PTPRR: variants seen among roughly 807,000 people sequenced by gnomAD.
PTPRR encodes the protein protein tyrosine phosphatase receptor type R, also known as receptor-type tyrosine-protein phosphatase R.
Under a neutral mutation model 77.2 loss-of-function variants are expected in PTPRR, and 38 were observed. The ratio of observed to expected loss-of-function variants is 0.49; its 90% confidence interval spans 0.38 to 0.65. The LOEUF is 0.65. Ranked by LOEUF, PTPRR falls within the 30% of genes least tolerant of loss-of-function variation. PTPRR has a pLI of 0.00. For synonymous variants in PTPRR, 299 were observed against 283.1 expected (o/e 1.06, Z -0.57); for missense variants, 744 against 799.2 (o/e 0.93, Z 0.83).
At chr12:70,907,704 C>T (rs1212822552) in intron 1 of PTPRR, among the ~76,000 whole-genome samples, 1 of 152,062 alleles carries the variant, frequency 6.6e-6, no homozygotes, top group Non-Finnish European at 1.5e-5. Flanking sequence ...GCATTAAGAC[C>T]TTGGGCCTCA....
At chr12:70,760,256 CA>C (rs1315852698) in intron 4 of PTPRR, among the ~76,000 whole-genome samples, 1 of 152,186 alleles carries the variant, frequency 6.6e-6, no homozygotes, top group Non-Finnish European at 1.5e-5. Context: ...TGATACCATG[CA>C]AAGGCAGACA....
At chr12:70,751,399 C>T (rs1340388602) in intron 5 of PTPRR, among the ~76,000 whole-genome samples, 1 of 152,160 alleles carries the variant, frequency 6.6e-6, no homozygotes, top group Admixed American at 6.6e-5. Flanking sequence ...GATCCTCCTC[C>T]TTCCACAACT....
At chr12:70,824,742 G>T (rs1324552618) in intron 2 of PTPRR, among the ~76,000 whole-genome samples, 2 of 152,134 alleles carry the variant, frequency 1.3e-5, no homozygotes, top group Non-Finnish European at 2.9e-5. Flanking sequence ...GTCGGGATGG[G>T]GTTGGTGGGG....
chr12:70,866,422 G>GA (rs1446607208), intron 2 of PTPRR, among the ~76,000 whole-genome samples: 2 of 152,032 alleles, frequency 1.3e-5, no homozygotes, highest in African/African-American at 4.8e-5. Flanking sequence ...AAATAAACTA[G>GA]AAAATCTAGA....
intron 2 of PTPRR, among the ~76,000 whole-genome samples, chr12:70,850,218 T>G (rs1007285885): frequency 1.3e-5 from 2 of 151,912 alleles, no homozygotes; most frequent in Non-Finnish European, 2.9e-5. Context: ...AAAAATTAGC[T>G]GGGTGTGGTG....
At chr12:70,831,629 C>T (rs1892214690) in intron 2 of PTPRR, among the ~76,000 whole-genome samples, 1 of 152,164 alleles carries the variant, frequency 6.6e-6, no homozygotes, top group African/African-American at 2.4e-5. Flanking sequence ...ACAAGTGTTA[C>T]CATTTTCGTT....
intron 2 of PTPRR, among the ~76,000 whole-genome samples, chr12:70,811,826 C>A (rs1388156641): frequency 1.3e-5 from 2 of 152,170 alleles, no homozygotes; most frequent in African/African-American, 2.4e-5. Context: ...AAGCAGTGGA[C>A]ATAAGGCCCA....
At chr12:70,746,736 A>G (rs1890225630) in intron 5 of PTPRR, among the ~76,000 whole-genome samples, 1 of 151,938 alleles carries the variant, frequency 6.6e-6, no homozygotes, top group Non-Finnish European at 1.5e-5. Context: ...CTGTTGCCCA[A>G]GCGAAAGTGC....
At chr12:70,742,104 G>A (rs1158294453) in intron 6 of PTPRR, among the ~76,000 whole-genome samples, 1 of 152,178 alleles carries the variant, frequency 6.6e-6, no homozygotes, top group Non-Finnish European at 1.5e-5. Context: ...GAGAACCAAA[G>A]AGATAATGGA....
chr12:70,670,530 T>C lies in PTPRR; in HGVS notation c.1498-7925A>G, dbSNP rs140925678. On this transcript the variant is annotated intron_variant, in intron 10 of 13. Transcript: ENST00000283228. ...AATTTATGTGTGTTCAAATTGTGCT[T>C]AGCACATATGATCAATAAATGGTAG... 9.5e-4 allele frequency among the ~76,000 whole-genome samples: 144 copies of C among 152,362 alleles called. 1 individual carries two copies. The highest frequency in any genetic ancestry group is 3.1e-3 in the African/African-American group (130 of 41,584).
rs532878929 is a variant in PTPRR at position 70,824,656 on chromosome 12, G to A, written c.358-59878C>T. ...TACAGGGAGAAGCCACAGTGTGTCTGGTGGTGTCAGCTGCTGGTTCGTGTT... is the reference window on the plus strand; with the variant it reads ...TACAGGGAGAAGCCACAGTGTGTCTAGTGGTGTCAGCTGCTGGTTCGTGTT... On this transcript the variant is annotated intron_variant, in intron 2 of 13. Coordinates refer to ENST00000283228, the MANE Select transcript of PTPRR (RefSeq NM_002849.4). 2.6e-5 allele frequency among the ~76,000 whole-genome samples: 4 copies of A among 152,282 alleles called. No individual in the cohort carries two copies. The East Asian group carries it at 7.7e-4, about 29-fold the overall frequency.
In PTPRR at chr12:70,857,324, A is replaced by G. The variant is rs1892670500; in HGVS notation, c.357+35355T>C. Among the ~76,000 whole-genome samples, 4 of 152,268 alleles carry G rather than the reference A, an allele frequency of 2.6e-5. No individual in the cohort carries two copies. In the South Asian group the frequency reaches 8.3e-4, roughly 32 times the overall value. On this transcript the variant is annotated intron_variant, in intron 2 of 13. Coordinates refer to ENST00000283228, the MANE Select transcript of PTPRR (RefSeq NM_002849.4). ...GAAGGGAGGAGTCAACAGTGTCAAAATCTCCAGCTACACAAGAAGCGAACA... is the reference window on the plus strand; with the variant it reads ...GAAGGGAGGAGTCAACAGTGTCAAAGTCTCCAGCTACACAAGAAGCGAACA...
chr12:70,742,013 G>A (rs1890064092), intron 6 of PTPRR, among the ~76,000 whole-genome samples: 1 of 152,192 alleles, frequency 6.6e-6, no homozygotes, highest in African/African-American at 2.4e-5. Context: ...GAGAAAAGGA[G>A]AAAGCAACTG....
intron 2 of PTPRR, among the ~76,000 whole-genome samples, chr12:70,811,105 T>C (rs562628054): frequency 6.6e-6 from 1 of 151,638 alleles, no homozygotes; most frequent in South Asian, 2.1e-4. Flanking sequence ...AAACACAAGA[T>C]AAAAAAAAGA....
intron 6 of PTPRR, among the ~76,000 whole-genome samples, chr12:70,737,508 A>C (rs992372791): frequency 1.3e-5 from 2 of 151,476 alleles, no homozygotes; most frequent in Non-Finnish European, 2.9e-5. Flanking sequence ...CTATCTATCT[A>C]TCTATCTATC....
chr12:70,709,866 C>T (rs1888760299), intron 6 of PTPRR, among the ~76,000 whole-genome samples: 1 of 152,068 alleles, frequency 6.6e-6, no homozygotes, highest in Admixed American at 6.6e-5. Context: ...AAAAACATTC[C>T]ACGTTCATGT....
intron 2 of PTPRR, among the ~76,000 whole-genome samples, chr12:70,851,767 T>C (rs1892575331): frequency 6.6e-6 from 1 of 152,286 alleles, no homozygotes; most frequent in South Asian, 2.1e-4. Context: ...CAAGAAGCCA[T>C]TGATGTTTAG....
chr12:70,892,862 T>G lies in PTPRR; in HGVS notation c.174A>C (p.Pro58=), dbSNP rs1893362192. The G allele has an allele frequency of 1.9e-6, 3 of 1,613,482 alleles. No homozygotes were observed. The highest frequency in any genetic ancestry group is 1.7e-6 in the Non-Finnish European group (2 of 1,179,654). Residue 58 remains proline (P), a synonymous_variant, in exon 2 of 14, where the codon CCA becomes CCC. Coordinates refer to ENST00000283228, the MANE Select transcript of PTPRR (RefSeq NM_002849.4). ...QDIEKSLDIA[P]QKIYRHSYHS... ...GGTAGCTATGTCTGTAGATTTTTTGTGGGGCTATATCCAGGCTCTTCTCAA... is the reference window on the plus strand; with the variant it reads ...GGTAGCTATGTCTGTAGATTTTTTGGGGGGCTATATCCAGGCTCTTCTCAA...
chr12:70,708,772 T>C (rs1449846138), intron 6 of PTPRR, among the ~76,000 whole-genome samples: 3 of 151,324 alleles, frequency 2.0e-5, no homozygotes, highest in South Asian at 2.1e-4. Context: ...AAATGAGAAG[T>C]CTTCTTTGAA....
Sources: gnomAD v4.1 joint callset for allele counts (sites outside exome capture counted in the v4.1 genomes callset) on GRCh38, gnomAD v4.1.1 for gene constraint, MANE v1.5 for transcripts, NCBI Gene and HGNC (gene_info 2026-07-23, HGNC 2026-07-21) for gene names.